SMOC2: variants seen among roughly 807,000 people sequenced by gnomAD.
SMOC2 encodes SPARC related modular calcium binding 2, also known as SPARC-related modular calcium-binding protein 2.
SMOC2 carries 39 observed loss-of-function variants against 61.4 expected under a neutral mutation model. The ratio of observed to expected loss-of-function variants is 0.64; its 90% confidence interval spans 0.49 to 0.83. SMOC2 has a LOEUF of 0.83. Among genes scored for constraint, SMOC2 ranks in the 40% least tolerant of loss-of-function variants. The pLI, the probability that SMOC2 is intolerant of heterozygous loss-of-function variation, is 0.00. For missense variants in SMOC2, 556 were observed against 592.9 expected, an observed-to-expected ratio of 0.94 and a Z score of 0.65; for synonymous variants, 247 against 239.9, an observed-to-expected ratio of 1.03 and a Z score of -0.27.
intron 4 of SMOC2, among the ~76,000 whole-genome samples, chr6:168,529,579 A>G (rs1783537839): frequency 6.6e-6 from 1 of 152,104 alleles, no homozygotes; most frequent in Admixed American, 6.5e-5. Context: ...CCCTCCGCAC[A>G]CATGTGGGCA....
intron 1 of SMOC2, among the ~76,000 whole-genome samples, chr6:168,492,619 A>G (rs1583054754): frequency 6.6e-6 from 1 of 152,226 alleles, no homozygotes; most frequent in Non-Finnish European, 1.5e-5. Context: ...AATAAAAAGT[A>G]TTGCAGTGTG....
At chr6:168,497,600 A>C (rs1782622860) in intron 1 of SMOC2, among the ~76,000 whole-genome samples, 1 of 152,046 alleles carries the variant, frequency 6.6e-6, no homozygotes, top group Non-Finnish European at 1.5e-5. Flanking sequence ...GAGTGGGAGC[A>C]AGAGGCCTGC....
intron 7 of SMOC2, among the ~76,000 whole-genome samples, chr6:168,576,468 G>A (rs889580902): frequency 6.6e-6 from 1 of 152,078 alleles, no homozygotes; most frequent in Non-Finnish European, 1.5e-5. Context: ...CAAGGCCAGA[G>A]AACACCTTAG....
chr6:168,624,794 CAG>C (rs1414902232), intron 9 of SMOC2, among the ~76,000 whole-genome samples: 1 of 151,928 alleles, frequency 6.6e-6, no homozygotes, highest in East Asian at 1.9e-4. Context: ...CAGATACACA[CAG>C]ACACATGCAC....
chr6:168,590,921 A>G (rs1056429477), intron 7 of SMOC2, among the ~76,000 whole-genome samples: 2 of 152,184 alleles, frequency 1.3e-5, no homozygotes, highest in East Asian at 3.8e-4. Context: ...CCTTCTACCA[A>G]CTTTACAAAG....
At chr6:168,508,322 G>C (rs1468390684) in intron 1 of SMOC2, among the ~76,000 whole-genome samples, 2 of 152,128 alleles carry the variant, frequency 1.3e-5, no homozygotes, top group Non-Finnish European at 2.9e-5. Context: ...CAAAACTTGG[G>C]TCAAGATTTA....
intron 1 of SMOC2, among the ~76,000 whole-genome samples, chr6:168,456,698 C>A (rs1007383010): frequency 3.3e-5 from 5 of 152,226 alleles, no homozygotes; most frequent in African/African-American, 1.2e-4. Flanking sequence ...AGCCTCCTTA[C>A]ATTTTTAGGA....
chr6:168,646,419 G>A (rs1035928414), intron 9 of SMOC2, among the ~76,000 whole-genome samples: 8 of 152,196 alleles, frequency 5.3e-5, no homozygotes, highest in African/African-American at 1.7e-4. Flanking sequence ...CGGGAAGGAA[G>A]CGAAAGTTAA....
At chr6:168,527,225 G>A (rs903671137) in intron 3 of SMOC2, among the ~76,000 whole-genome samples, 4 of 152,080 alleles carry the variant, frequency 2.6e-5, no homozygotes, top group Admixed American at 2.0e-4. Context: ...CAGGGGGAGC[G>A]GGCGGTGCAG....
intron 7 of SMOC2, among the ~76,000 whole-genome samples, chr6:168,571,851 G>T (rs1454895192): frequency 7.2e-6 from 1 of 138,286 alleles, no homozygotes; most frequent in Non-Finnish European, 1.6e-5. Context: ...CTCCCTGAAC[G>T]CGATGTTCAT....
At chr6:168,636,944 C>T (rs1485355578) in intron 9 of SMOC2, among the ~76,000 whole-genome samples, 1 of 134,418 alleles carries the variant, frequency 7.4e-6, no homozygotes, top group Non-Finnish European at 1.6e-5. Context: ...CCACCTCCCT[C>T]TTCCCTCCTC....
intron 7 of SMOC2, among the ~76,000 whole-genome samples, chr6:168,590,686 T>C (rs4989794): frequency 0.35 from 53,642 of 152,096 alleles, 9,998 homozygotes; most frequent in Middle Eastern, 0.46. Context: ...CGTTCTTGCT[T>C]TCTATAAAAA....
At chr6:168,459,398 C>T (rs906067958) in intron 1 of SMOC2, among the ~76,000 whole-genome samples, 1 of 152,166 alleles carries the variant, frequency 6.6e-6, no homozygotes, top group Non-Finnish European at 1.5e-5. Flanking sequence ...GCGTTTGCCG[C>T]ATCGGGAAGG....
Position 168,535,104 on chromosome 6 carries a change from G to T in SMOC2, c.463+7377G>T, listed in dbSNP as rs962347803. 6.6e-6 allele frequency among the ~76,000 whole-genome samples: 1 copy of T among 151,996 alleles called. No individual in the cohort carries two copies. Among genetic ancestry groups the T allele is most frequent in the Non-Finnish European group, 1.5e-5 (1 of 68,018 alleles). On this transcript the variant is annotated intron_variant, in intron 4 of 12. Coordinates refer to ENST00000356284, the MANE Select transcript of SMOC2 (RefSeq NM_001166412.2). The surrounding 1 kb of genome is among the most constrained non-coding windows in gnomAD (Gnocchi z 4.6). ...TCCTGCCTCTGCCTCCGGAGTAGCT[G>T]GGACTACAGGCACCCGCCACCACGC...
At chr6:168,449,606 A>G (rs888323409) in intron 1 of SMOC2, among the ~76,000 whole-genome samples, 10 of 152,186 alleles carry the variant, frequency 6.6e-5, no homozygotes, top group African/African-American at 2.4e-4. Flanking sequence ...CTAACCTAAA[A>G]TGTACCTTGG....
intron 11 of SMOC2, among the ~76,000 whole-genome samples, chr6:168,653,816 G>C (rs62423405): frequency 2.1e-5 from 3 of 144,712 alleles, no homozygotes; most frequent in South Asian, 2.4e-4. Flanking sequence ...CACCACCCCT[G>C]TACCTGAGCT....
chr6:168,505,421 C>G (rs552929419), intron 1 of SMOC2, among the ~76,000 whole-genome samples: 2 of 151,410 alleles, frequency 1.3e-5, no homozygotes, highest in African/African-American at 4.9e-5. Flanking sequence ...AAATGTCCAT[C>G]TCTCAGATGC....
Position 168,645,914 on chromosome 6 carries a change from A to C in SMOC2, c.908-4767A>C, listed in dbSNP as rs184706597. ...TTGGACTTCCAAGCCAGAGGAGCTA[A>C]AACTGTGAGTGGATACATAGACAAT... On this transcript the variant is annotated intron_variant, in intron 9 of 12. Coordinates refer to ENST00000356284, the MANE Select transcript of SMOC2 (RefSeq NM_001166412.2). 1.5e-4 allele frequency among the ~76,000 whole-genome samples: 23 copies of C among 152,320 alleles called. 1 individual carries two copies. Among genetic ancestry groups the C allele is most frequent in the African/African-American group, 4.3e-4 (18 of 41,570 alleles).
chr6:168,647,283 C>T (rs1036548186), intron 9 of SMOC2, among the ~76,000 whole-genome samples: 5 of 152,226 alleles, frequency 3.3e-5, no homozygotes, highest in East Asian at 1.9e-4. Context: ...TAGACCCCAC[C>T]GTGCAGGCGG....
Sources: allele counts gnomAD v4.1 joint callset (sites outside exome capture counted in the v4.1 genomes callset), GRCh38; gene constraint gnomAD v4.1.1; non-coding constraint Gnocchi (gnomAD v3.1); transcripts MANE v1.5; gene names NCBI Gene and HGNC (gene_info 2026-07-23, HGNC 2026-07-21).